The following CHMP1A variants were observed in gnomAD, a reference collection of about 807,000 sequenced individuals.
The protein encoded by CHMP1A is VPS46 homolog A.
In CHMP1A, 17 loss-of-function variants were observed where a neutral mutation model predicts 27.0. The observed-to-expected ratio is 0.63, with a 90% confidence interval of 0.43 to 0.95. CHMP1A has a LOEUF of 0.95. Among genes scored for constraint, CHMP1A ranks in the 40% least tolerant of loss-of-function variants. The probability of loss-of-function intolerance (pLI) is 0.00; values close to 1 mark genes in which losing one functional copy is unlikely to be tolerated. For synonymous variants in CHMP1A, 131 were observed against 107.5 expected, an observed-to-expected ratio of 1.22 and a Z score of -1.35; for missense variants, 275 against 264.0, an observed-to-expected ratio of 1.04 and a Z score of -0.29.
chr16:89,646,454 C>G, intron 6 of CHMP1A, 73 bp downstream of exon 6: 2 of 1,440,996 alleles, frequency 1.4e-6, no homozygotes, highest in East Asian at 2.5e-5. Flanking sequence ...GCCTCTAACC[C>G]ACAACCCTCT....
intron 2 of CHMP1A, among the ~76,000 whole-genome samples, chr16:89,653,325 A>G (rs2151516314): frequency 7.1e-6 from 1 of 140,994 alleles, no homozygotes; most frequent in Admixed American, 6.9e-5. Context: ...TGTCTTTCTT[A>G]AGATAACACT....
At position 89,657,637 on chromosome 16, in the gene CHMP1A, T is replaced by C. The variant is rs745501139; in HGVS notation, c.-49A>G. 3.1e-6 allele frequency: 5 copies of C among 1,607,870 alleles called. No individual in the cohort carries two copies. Among genetic ancestry groups the C allele is most frequent in the Non-Finnish European group, 4.2e-6 (5 of 1,178,062 alleles). ...TCGGAGAGGGAGAAGGGACGCCAAC[T>C]CCGGGCGGTGTCAGGTCCCGGCGGC... On this transcript the variant is annotated 5_prime_UTR_variant, in exon 1 of 7. Transcript: ENST00000397901.
chr16:89,657,606 C>T lies in CHMP1A; in HGVS notation c.-18G>A, dbSNP rs1343821060. On this transcript the variant is annotated 5_prime_UTR_variant, in exon 1 of 7. Coordinates refer to ENST00000397901, the MANE Select transcript of CHMP1A (RefSeq NM_002768.5). ...CCGTCCATGGCCACAATGACAGGAG[C>T]AGCACTCGGAGAGGGAGAAGGGACG... 4 of 1,611,130 alleles carry T rather than the reference C, an allele frequency of 2.5e-6. No individual in the cohort carries two copies. The South Asian group carries it at 3.3e-5, about 13-fold the overall frequency.
intron 2 of CHMP1A, 85 bp downstream of exon 2, chr16:89,653,819 T>C: frequency 7.1e-7 from 1 of 1,399,918 alleles, no homozygotes; most frequent in African/African-American, 1.4e-5. Context: ...TCTGCCCGAC[T>C]GTTTCTGTGG....
rs555892482 is a variant in CHMP1A, at chr16:89,647,596, G to A, written c.253-265C>T. 5.8e-5 allele frequency among the ~76,000 whole-genome samples: 8 copies of A among 138,686 alleles called. No individual in the cohort carries two copies. The South Asian group carries it at 9.4e-4, about 16-fold the overall frequency. 91.0% of individuals were successfully genotyped at this position (138,686 alleles called of 152,430 possible). ...GTGCGGGGTCAGTGGAGAAAAGGCCGCCGACGTGGAGACCCAGTGCGGGGT... is the reference window on the plus strand; with the variant it reads ...GTGCGGGGTCAGTGGAGAAAAGGCCACCGACGTGGAGACCCAGTGCGGGGT... On this transcript the variant is annotated intron_variant, in intron 4 of 6. Transcript: ENST00000397901.
intron 5 of CHMP1A, 169 bp downstream of exon 5, chr16:89,647,034 C>A (rs1285916843): frequency 1.3e-6 from 2 of 1,522,490 alleles, no homozygotes; most frequent in African/African-American, 2.7e-5. Flanking sequence ...GCCCACCCTA[C>A]CTGTCAGGGT....
chr16:89,654,816 G>A lies in CHMP1A; in HGVS notation c.8-893C>T, dbSNP rs927439020. The stretch of plus-strand genomic sequence containing the variant: ...AAATTAGCCAGGCGTGGTGGCGGGC[G>A]CCTGTAGTCCCAGCTACTCAGGAGG... On this transcript the variant is annotated intron_variant, in intron 1 of 6. Coordinates refer to ENST00000397901, the MANE Select transcript of CHMP1A (RefSeq NM_002768.5). Among the ~76,000 whole-genome samples, 11 of 152,004 alleles carry A rather than the reference G, an allele frequency of 7.2e-5. No homozygotes were observed. The East Asian group carries it at 1.4e-3, about 19-fold the overall frequency.
intron 3 of CHMP1A, among the ~76,000 whole-genome samples, 158 bp downstream of exon 3, chr16:89,651,411 A>G (rs2059822766): frequency 6.6e-6 from 1 of 152,000 alleles, no homozygotes; most frequent in African/African-American, 2.4e-5. Flanking sequence ...CAAAATATAT[A>G]TATATATGTA....
chr16:89,650,803 C>CA (rs34259855), intron 3 of CHMP1A, among the ~76,000 whole-genome samples: 47,092 of 143,832 alleles, frequency 0.33, 9,570 homozygotes, highest in Middle Eastern at 0.59. Flanking sequence ...GACTCCATCT[C>CA]AAAAAAAAAA....
intron 1 of CHMP1A, among the ~76,000 whole-genome samples, 170 bp downstream of exon 1, chr16:89,657,412 G>A (rs1281047282): frequency 1.3e-5 from 2 of 151,172 alleles, no homozygotes; most frequent in East Asian, 3.9e-4. Context: ...GGGAAAAGGG[G>A]TCCCAGGTCG....
chr16:89,653,807 A>C (rs2059843364), intron 2 of CHMP1A, 97 bp downstream of exon 2: 1 of 1,305,936 alleles, frequency 7.7e-7, no homozygotes, highest in African/African-American at 1.5e-5. Flanking sequence ...ACTGTTATAT[A>C]ATCTGCCCGA....
chr16:89,650,871 C>G (rs2059818610), intron 3 of CHMP1A, among the ~76,000 whole-genome samples: 1 of 151,514 alleles, frequency 6.6e-6, no homozygotes, highest in Admixed American at 6.6e-5. Context: ...ATGGCAAAAT[C>G]AAGTTCAGAA....
Position 89,645,758 on chromosome 16 carries a change from G to T in CHMP1A, c.*308C>A. The T allele has an allele frequency of 1.6e-6, 1 of 637,194 alleles. No individual in the cohort carries two copies. The highest frequency in any genetic ancestry group is 2.5e-6 in the Non-Finnish European group (1 of 405,518). 39.5% of individuals were successfully genotyped at this position (637,194 alleles called of 1,614,324 possible). ...GAAGCAGCATGTCTGCTGCCCCAGAGTCTGAAGGCCCCCACAGTGCTGGGT... is the reference window on the plus strand; with the variant it reads ...GAAGCAGCATGTCTGCTGCCCCAGATTCTGAAGGCCCCCACAGTGCTGGGT... On this transcript the variant is annotated 3_prime_UTR_variant, in exon 7 of 7. Transcript: ENST00000397901.
chr16:89,657,380 C>G (rs1330207413), intron 1 of CHMP1A, among the ~76,000 whole-genome samples: 1 of 136,862 alleles, frequency 7.3e-6, no homozygotes, highest in African/African-American at 2.8e-5. Flanking sequence ...GGGTCCGGGT[C>G]GGGGATCGGG....
At position 89,645,781 on chromosome 16, in the gene CHMP1A, G is replaced by T; in HGVS notation, c.*285C>A. On this transcript the variant is annotated 3_prime_UTR_variant, in exon 7 of 7. Coordinates refer to ENST00000397901, the MANE Select transcript of CHMP1A (RefSeq NM_002768.5). ...GAGTCTGAAGGCCCCCACAGTGCTG[G>T]GTGAAAGTCCACAGGGCCCCTCTTG... The T allele has an allele frequency of 2.5e-6, 2 of 808,244 alleles. No homozygotes were observed. Among genetic ancestry groups the T allele is most frequent in the Non-Finnish European group, 3.7e-6 (2 of 544,658 alleles). The allele number at this position is 808,244 out of a possible 1,614,324, so 50.1% of individuals were successfully genotyped here. A position where few individuals can be genotyped will look rare whatever the true frequency, so the allele number is the denominator to read the frequency against.
At chr16:89,646,371 G>A (rs951314845) in intron 6 of CHMP1A, among the ~76,000 whole-genome samples, 156 bp downstream of exon 6, 6 of 152,220 alleles carry the variant, frequency 3.9e-5, no homozygotes, top group Non-Finnish European at 5.9e-5. Flanking sequence ...CTCGCTTGGG[G>A]GCGGCTGCAG....
intron 1 of CHMP1A, among the ~76,000 whole-genome samples, chr16:89,656,831 C>G (rs535514217): frequency 3.9e-5 from 6 of 152,316 alleles, no homozygotes; most frequent in African/African-American, 9.6e-5. Context: ...CACAGTCCCC[C>G]CTACCGAGCT....
At position 89,654,067 on chromosome 16, in the gene CHMP1A, C is replaced by A. The variant is rs371721171; in HGVS notation, c.8-144G>T. On this transcript the variant is annotated intron_variant, in intron 1 of 6. Coordinates refer to ENST00000397901, the MANE Select transcript of CHMP1A (RefSeq NM_002768.5). Reference sequence around the variant, plus strand: ...CACCTGCCTGGGGCCTTCGGGGAGCCCCCCCCAACAGGGGAGGCACGAGAC... The same window carrying A: ...CACCTGCCTGGGGCCTTCGGGGAGCACCCCCCAACAGGGGAGGCACGAGAC... 4.5e-4 allele frequency: 394 copies of A among 867,266 alleles called. 1 individual carries two copies. In the African/African-American group the frequency reaches 5.7e-3, roughly 13 times the overall value. The allele number at this position is 867,266 out of a possible 1,614,324, so 53.7% of individuals were successfully genotyped here.
chr16:89,646,401 A>G, intron 6 of CHMP1A, 126 bp downstream of exon 6: 1 of 1,121,728 alleles, frequency 8.9e-7, no homozygotes, highest in Non-Finnish European at 1.3e-6. Flanking sequence ...CTGAGTCGAG[A>G]TCAGGGCTCC....
Sources: gnomAD v4.1 joint callset for allele counts (sites outside exome capture counted in the v4.1 genomes callset) on GRCh38, gnomAD v4.1.1 for gene constraint, MANE v1.5 for transcripts, NCBI Gene and HGNC (gene_info 2026-07-23, HGNC 2026-07-21) for gene names.